KATNAL2: variants seen among roughly 807,000 people sequenced by gnomAD.
KATNAL2 encodes the protein katanin catalytic subunit A1 like 2, also known as katanin p60 ATPase-containing subunit A-like 2.
In KATNAL2, 52 loss-of-function variants were observed where a neutral mutation model predicts 76.3. The ratio of observed to expected loss-of-function variants is 0.68; its 90% CI spans 0.55 to 0.86. The LOEUF (loss-of-function observed/expected upper bound fraction) is 0.86, where lower values mean the gene tolerates loss of function less well. KATNAL2 is among the 40% of genes least tolerant of loss of function. The pLI is 0.00. For missense variants in KATNAL2, 660 were observed against 668.9 expected, an observed-to-expected ratio of 0.99 and a Z score of 0.15; for synonymous variants, 243 against 244.2, an observed-to-expected ratio of 1.00 and a Z score of 0.05.
In KATNAL2 at chr18:47,037,554, G is replaced by A. The variant is rs142041448; in HGVS notation, c.52-8903G>A. Reference sequence around the variant, plus strand: ...ATTCTTAGTTTTTTTTAATTCAGAAGATAATTTTCTAGGTTAATTTGAATG... The same window carrying A: ...ATTCTTAGTTTTTTTTAATTCAGAAAATAATTTTCTAGGTTAATTTGAATG... On this transcript the variant is annotated intron_variant, in intron 3 of 17. Coordinates refer to ENST00000683218, the MANE Select transcript of KATNAL2 (RefSeq NM_001387690.1). Among the ~76,000 whole-genome samples, 970 of 152,212 alleles carry A rather than the reference G, an allele frequency of 6.4e-3. 8 individuals carry two copies. The highest frequency in any genetic ancestry group is 0.022 in the African/African-American group (911 of 41,526).
intron 3 of KATNAL2, among the ~76,000 whole-genome samples, chr18:46,961,031 G>A (rs2059924577): frequency 6.6e-6 from 1 of 152,182 alleles, no homozygotes; most frequent in African/African-American, 2.4e-5. Flanking sequence ...AAGCAAACAT[G>A]GGGGACATAA....
chr18:46,955,140 C>CTCTATTTCTTTCTTTCTTTCTTTCTT, intron 3 of KATNAL2, among the ~76,000 whole-genome samples: 1 of 85,074 alleles, frequency 1.2e-5, no homozygotes, highest in Admixed American at 1.4e-4. Context: ...CTTTCTCTCT[C>CTCTATTTCTTTCTTTCTTTCTTTCTT]TCTTTCTTTC....
intron 15 of KATNAL2, among the ~76,000 whole-genome samples, chr18:47,088,173 G>A: frequency 6.6e-6 from 1 of 152,152 alleles, no homozygotes. Context: ...CTTGTCATGG[G>A]GTGTTTGAAT....
intron 1 of KATNAL2, among the ~76,000 whole-genome samples, chr18:46,926,871 G>T (rs2058743650): frequency 6.6e-6 from 1 of 152,044 alleles, no homozygotes; most frequent in African/African-American, 2.4e-5. Flanking sequence ...ATCTTTGTTG[G>T]TTTAAAGTTT....
At chr18:46,922,671 C>T (rs188441844) in intron 1 of KATNAL2, among the ~76,000 whole-genome samples, 76 of 151,676 alleles carry the variant, frequency 5.0e-4, no homozygotes, top group Non-Finnish European at 7.2e-4. Context: ...GTGGTGCATG[C>T]CTGTAATCCT....
chr18:46,960,846 G>C (rs189870289), intron 3 of KATNAL2, among the ~76,000 whole-genome samples: 5 of 152,200 alleles, frequency 3.3e-5, no homozygotes, highest in Non-Finnish European at 5.9e-5. Context: ...ACTGTAGAGG[G>C]ACGAGACGCG....
Position 47,075,261 on chromosome 18 carries a change from CT to C in KATNAL2, c.1009-12del. On this transcript the variant is annotated splice_polypyrimidine_tract_variant and intron_variant, in intron 13 of 17. Transcript: ENST00000683218. Reference sequence around the variant, plus strand: ...GTCTATAAGCTTGAACACTTGCTTGCTTTTCCCCCACCCAGGTGTTATTTGA... The same window carrying C: ...GTCTATAAGCTTGAACACTTGCTTGCTTTCCCCCACCCAGGTGTTATTTGA... 9 of 1,537,554 alleles carry C rather than the reference CT, an allele frequency of 5.9e-6. No homozygotes were observed. Among genetic ancestry groups the C allele is most frequent in the South Asian group, 2.6e-5 (2 of 77,306 alleles).
intron 3 of KATNAL2, among the ~76,000 whole-genome samples, chr18:47,045,666 A>C (rs997075572): frequency 6.6e-6 from 1 of 152,182 alleles, no homozygotes; most frequent in Non-Finnish European, 1.5e-5. Flanking sequence ...GTGTTTGTGC[A>C]TAGATTTTGT....
Position 46,943,266 on chromosome 18 carries a change from G to C in KATNAL2, c.-509-2791G>C, listed in dbSNP as rs567651117. 2.0e-5 allele frequency among the ~76,000 whole-genome samples: 3 copies of C among 152,128 alleles called. No individual in the cohort carries two copies. The East Asian group carries it at 5.8e-4, about 29-fold the overall frequency. On this transcript the variant is annotated intron_variant, in intron 1 of 17. Coordinates refer to ENST00000683218, the MANE Select transcript of KATNAL2 (RefSeq NM_001387690.1). ...TCATTCTTTTCCAGTAATTTTGTCA[G>C]GCATTTGAACTACAGCAACTCAATC...
intron 1 of KATNAL2, among the ~76,000 whole-genome samples, chr18:46,923,694 T>A (rs186702271): frequency 7.9e-5 from 12 of 152,168 alleles, no homozygotes; most frequent in Non-Finnish European, 1.8e-4. Flanking sequence ...CCCACCAACA[T>A]TGTCAAAGTG....
intron 1 of KATNAL2, among the ~76,000 whole-genome samples, chr18:46,939,533 A>G (rs1049626813): frequency 6.6e-6 from 1 of 152,106 alleles, no homozygotes; most frequent in African/African-American, 2.4e-5. Context: ...CAAGCACTGG[A>G]ATCACATACT....
At chr18:47,076,941 C>T (rs2062263349) in intron 14 of KATNAL2, among the ~76,000 whole-genome samples, 1 of 151,904 alleles carries the variant, frequency 6.6e-6, no homozygotes, top group Non-Finnish European at 1.5e-5. Context: ...GTCCCAGCTA[C>T]TCAGGAGGCT....
chr18:46,957,447 T>G (rs565789825), intron 3 of KATNAL2, among the ~76,000 whole-genome samples: 241 of 151,356 alleles, frequency 1.6e-3, no homozygotes, highest in African/African-American at 5.5e-3. Context: ...GTAGAGACGG[T>G]GTTTCACCGT....
chr18:46,937,984 T>G (rs548348073), intron 1 of KATNAL2, among the ~76,000 whole-genome samples: 1 of 152,004 alleles, frequency 6.6e-6, no homozygotes, highest in African/African-American at 2.4e-5. Context: ...TAGTCCCAGC[T>G]AATTGGGAGG....
intron 13 of KATNAL2, 31 bp from the exon 14 acceptor site, chr18:47,075,246 T>C: frequency 6.5e-7 from 1 of 1,529,154 alleles, no homozygotes; most frequent in Non-Finnish European, 8.7e-7. Flanking sequence ...GTCTATAAGC[T>C]TGAACACTTG....
chr18:47,032,942 C>G, intron 3 of KATNAL2: 1 of 1,612,006 alleles, frequency 6.2e-7, no homozygotes, highest in Non-Finnish European at 8.5e-7. Flanking sequence ...TTCCCCAACC[C>G]GCATTGACTT....
At chr18:47,049,332 G>T (rs914519866) in intron 4 of KATNAL2, among the ~76,000 whole-genome samples, 1 of 152,168 alleles carries the variant, frequency 6.6e-6, no homozygotes, top group Non-Finnish European at 1.5e-5. Flanking sequence ...TTCTATTATT[G>T]ATAGGATTTG....
At chr18:46,941,493 T>C (rs1244947880) in intron 1 of KATNAL2, among the ~76,000 whole-genome samples, 1 of 150,364 alleles carries the variant, frequency 6.7e-6, no homozygotes, top group East Asian at 1.9e-4. Context: ...GCCTTGGAGG[T>C]GGGGAGGGGT....
intron 13 of KATNAL2, among the ~76,000 whole-genome samples, chr18:47,071,959 T>C (rs1333702255): frequency 0.011 from 448 of 42,656 alleles, 65 homozygotes; most frequent in Non-Finnish European, 0.017. Context: ...TCTTCTTTTT[T>C]TTTTTTTTTT....
Sources: allele counts gnomAD v4.1 joint callset (sites outside exome capture counted in the v4.1 genomes callset), GRCh38; gene constraint gnomAD v4.1.1; transcripts MANE v1.5; gene names NCBI Gene and HGNC (gene_info 2026-07-23, HGNC 2026-07-21).